PPP2R3A: variants seen among roughly 807,000 people sequenced by gnomAD.
PPP2R3A encodes protein phosphatase 2 regulatory subunit B''alpha, also known as serine/threonine-protein phosphatase 2A regulatory subunit B'' subunit alpha.
PPP2R3A carries 80 observed loss-of-function variants against 106.9 expected under a neutral mutation model. The ratio of observed to expected loss-of-function variants is 0.75; its 90% confidence interval spans 0.62 to 0.90. The LOEUF (loss-of-function observed/expected upper bound fraction) is 0.90. PPP2R3A is among the 40% of genes least tolerant of loss of function. The pLI is 0.00. For missense variants in PPP2R3A, 1,386 were observed against 1,350.4 expected (o/e 1.03, Z -0.41); for synonymous variants, 483 against 468.3 (o/e 1.03, Z -0.41).
chr3:136,143,136 G>C (rs1002331514), intron 13 of PPP2R3A, among the ~76,000 whole-genome samples: 1 of 152,166 alleles, frequency 6.6e-6, no homozygotes, highest in African/African-American at 2.4e-5. Context: ...TAGTCATAGG[G>C]AACAATTTTC....
At chr3:136,105,971 AAAAG>A (rs1457977453) in intron 12 of PPP2R3A, among the ~76,000 whole-genome samples, 1 of 152,146 alleles carries the variant, frequency 6.6e-6, no homozygotes, top group Non-Finnish European at 1.5e-5. Flanking sequence ...AAAAGAAAAA[AAAAG>A]AAAAAAGAAA....
chr3:135,990,139 C>T (rs747056402), intron 1 of PPP2R3A, among the ~76,000 whole-genome samples: 4 of 152,102 alleles, frequency 2.6e-5, no homozygotes, highest in East Asian at 3.9e-4. Context: ...GCCTTGAAGG[C>T]GGGTCCGGGC....
intron 1 of PPP2R3A, among the ~76,000 whole-genome samples, chr3:135,992,212 C>A (rs1933197542): frequency 6.6e-6 from 1 of 152,114 alleles, no homozygotes; most frequent in Admixed American, 6.6e-5. Context: ...AGTCATCCAC[C>A]CAAGATTGCC....
chr3:136,041,539 C>T (rs934527229), intron 4 of PPP2R3A, among the ~76,000 whole-genome samples: 3 of 152,104 alleles, frequency 2.0e-5, no homozygotes, highest in Non-Finnish European at 4.4e-5. Flanking sequence ...GTGAACCCCA[C>T]ACCCAGCCAC....
chr3:136,071,206 C>G (rs928606072), intron 6 of PPP2R3A, among the ~76,000 whole-genome samples: 2 of 152,248 alleles, frequency 1.3e-5, no homozygotes, highest in Non-Finnish European at 2.9e-5. Context: ...CAGACACATT[C>G]TCAAGTGAGA....
intron 12 of PPP2R3A, among the ~76,000 whole-genome samples, chr3:136,103,906 GA>G (rs942702082): frequency 7.9e-5 from 12 of 152,186 alleles, no homozygotes; most frequent in African/African-American, 2.9e-4. Flanking sequence ...GAATAAAGCT[GA>G]ATATCCTTCC....
intron 1 of PPP2R3A, among the ~76,000 whole-genome samples, chr3:135,972,655 G>A (rs1937283271): frequency 6.6e-6 from 1 of 152,114 alleles, no homozygotes; most frequent in East Asian, 1.9e-4. Flanking sequence ...CCATCCTAGT[G>A]GGTGTGAAGT....
Position 136,136,310 on chromosome 3 carries a change from A to G in PPP2R3A, c.3330-8733A>G, listed in dbSNP as rs565045408. Among the ~76,000 whole-genome samples, 472 of 152,158 alleles carry G rather than the reference A, an allele frequency of 3.1e-3. 2 individuals are homozygous for G. The highest frequency in any genetic ancestry group is 4.2e-3 in the Non-Finnish European group (288 of 67,994). On this transcript the variant is annotated intron_variant, in intron 13 of 13. Coordinates refer to ENST00000264977, the MANE Select transcript of PPP2R3A (RefSeq NM_002718.5). ...AGGCATAGTGTCTGTGTAATCAATA[A>G]ACAATGGCTATTTATTGCTACCACT...
At chr3:136,048,439 G>A (rs147266658) in intron 4 of PPP2R3A, among the ~76,000 whole-genome samples, 3,537 of 152,256 alleles carry the variant, frequency 0.023, 155 homozygotes, top group African/African-American at 0.079. Context: ...TTGGGAAGCC[G>A]AGGCAGGCGG....
intron 1 of PPP2R3A, among the ~76,000 whole-genome samples, chr3:135,972,306 T>G (rs1475135497): frequency 6.6e-6 from 1 of 152,230 alleles, no homozygotes; most frequent in Non-Finnish European, 1.5e-5. Context: ...TATCAGTACT[T>G]CATTCTTTCT....
chr3:135,988,301 C>G (rs1221886954), intron 1 of PPP2R3A, among the ~76,000 whole-genome samples: 3 of 151,422 alleles, frequency 2.0e-5, no homozygotes, highest in East Asian at 3.9e-4. Context: ...TATTATTGAC[C>G]TCTCTGTTTT....
In PPP2R3A at chr3:136,146,297, T is replaced by C. The variant is rs1324604035; in HGVS notation, c.*1131T>C. On this transcript the variant is annotated 3_prime_UTR_variant, in exon 14 of 14. Coordinates refer to ENST00000264977, the MANE Select transcript of PPP2R3A (RefSeq NM_002718.5). ...CTATAATATCCTTGAAAAGAAACTA[T>C]TAAAAAGGATAGACATTTCTGATGT... 1 of 152,188 alleles carries C rather than the reference T, an allele frequency of 6.6e-6. No homozygotes were observed. The allele number at this position is 152,188 out of a possible 1,614,324, so 9.4% of individuals were successfully genotyped here.
intron 10 of PPP2R3A, among the ~76,000 whole-genome samples, chr3:136,097,315 C>G (rs1937239872): frequency 6.6e-6 from 1 of 152,198 alleles, no homozygotes; most frequent in Admixed American, 6.5e-5. Flanking sequence ...TGCTGCTAAA[C>G]TTTTCAGGGA....
chr3:136,004,823 T>C (rs114899772), intron 2 of PPP2R3A, among the ~76,000 whole-genome samples: 1,902 of 152,306 alleles, frequency 0.012, 41 homozygotes, highest in African/African-American at 0.044. Context: ...GTAGTAGATC[T>C]GTAAGTATTT....
chr3:136,019,841 T>C (rs959210203), intron 2 of PPP2R3A, among the ~76,000 whole-genome samples: 1 of 152,186 alleles, frequency 6.6e-6, no homozygotes, highest in African/African-American at 2.4e-5. Context: ...TTACCAATTA[T>C]TTCCTCATCA....
At chr3:135,969,651 C>G (rs1937186469) in intron 1 of PPP2R3A, among the ~76,000 whole-genome samples, 1 of 152,154 alleles carries the variant, frequency 6.6e-6, no homozygotes, top group Admixed American at 6.5e-5. Flanking sequence ...ATGAAATTAT[C>G]TAGGGCAGTG....
In PPP2R3A at chr3:136,026,900, C is replaced by G; in HGVS notation, c.2064C>G (p.Pro688=). The G allele has an allele frequency of 6.2e-7, 1 of 1,612,994 alleles. No homozygotes were observed. Among genetic ancestry groups the G allele is most frequent in the Non-Finnish European group, 8.5e-7 (1 of 1,179,114 alleles). ...LPPPATSPSS[P]RPLSPVPHVN... is the part of the protein sequence containing the mutation. ...CTCCAGCCACCTCTCCAAGTAGTCC[C>G]CGACCTCTCTCCCCGGTTCCCCATG... The change falls in exon 3 of 14, where the codon CCC becomes CCG. Residue 688 remains proline (P), a synonymous_variant. Transcript: ENST00000264977.
intron 8 of PPP2R3A, among the ~76,000 whole-genome samples, chr3:136,084,983 A>G (rs1441058309): frequency 1.3e-5 from 2 of 152,130 alleles, no homozygotes; most frequent in Non-Finnish European, 2.9e-5. Flanking sequence ...GTCTCAGATG[A>G]GACTTTGGAC....
intron 2 of PPP2R3A, among the ~76,000 whole-genome samples, chr3:136,020,953 T>G (rs1447553554): frequency 1.3e-5 from 2 of 152,066 alleles, no homozygotes; most frequent in African/African-American, 4.8e-5. Context: ...ACAGGAAGCC[T>G]TCATGAAATA....
Sources: allele counts gnomAD v4.1 joint callset (sites outside exome capture counted in the v4.1 genomes callset), GRCh38; gene constraint gnomAD v4.1.1; transcripts MANE v1.5; gene names NCBI Gene and HGNC (gene_info 2026-07-23, HGNC 2026-07-21).